FBN2: variants seen among roughly 807,000 people sequenced by gnomAD.
The protein encoded by FBN2 is fibrillin-2.
A neutral mutation model predicts 355.6 loss-of-function variants in FBN2; 105 were observed. The observed-to-expected ratio is 0.30, with a 90% CI of 0.25 to 0.35. The LOEUF (loss-of-function observed/expected upper bound fraction) is 0.35, where lower values mean the gene tolerates loss of function less well. Ranked by LOEUF, FBN2 falls within the 10% of genes least tolerant of loss-of-function variation. The pLI, the probability that FBN2 is intolerant of heterozygous loss-of-function variation, is 1.00. For synonymous variants in FBN2, 1,350 were observed against 1,301.2 expected (o/e 1.04, Z -0.81); for missense variants, 3,280 against 3,758.7 (o/e 0.87, Z 3.33).
intron 46 of FBN2, among the ~76,000 whole-genome samples, chr5:128,302,365 C>G (rs1749742970): frequency 6.6e-6 from 1 of 152,220 alleles, no homozygotes; most frequent in South Asian, 2.1e-4. Context: ...CCTCCAACTA[C>G]TTCAGGACCC....
intron 19 of FBN2, among the ~76,000 whole-genome samples, chr5:128,359,027 G>T (rs541780121): frequency 3.9e-5 from 6 of 152,022 alleles, no homozygotes; most frequent in African/African-American, 1.4e-4. Context: ...AGCACATCTG[G>T]TTTACATTTA....
chr5:128,497,324 G>A (rs1368499698), intron 5 of FBN2, among the ~76,000 whole-genome samples: 1 of 152,174 alleles, frequency 6.6e-6, no homozygotes, highest in Non-Finnish European at 1.5e-5. Context: ...GAGATTTGTG[G>A]ATTACACTTT....
At chr5:128,523,779 A>G (rs1561497561) in intron 4 of FBN2, among the ~76,000 whole-genome samples, 1 of 150,496 alleles carries the variant, frequency 6.6e-6, no homozygotes, top group Admixed American at 6.6e-5. Context: ...TACTTTTTCT[A>G]TTTTTTTTTA....
At chr5:128,444,351 C>A (rs146582377) in intron 7 of FBN2, among the ~76,000 whole-genome samples, 6 of 152,120 alleles carry the variant, frequency 3.9e-5, no homozygotes, top group Admixed American at 3.9e-4. Context: ...GGATTACAGG[C>A]GTGAGCCACC....
At position 128,318,239 on chromosome 5, in the gene FBN2, C is replaced by A; in HGVS notation, c.4627G>T (p.Val1543Phe). 6.2e-7 allele frequency: 1 copy of A among 1,613,998 alleles called. No individual in the cohort carries two copies. The highest frequency in any genetic ancestry group is 8.5e-7 in the Non-Finnish European group (1 of 1,179,930). ...IDECADPINCVNGLCVNTPGR... is the reference protein window; with the variant it reads ...IDECADPINCFNGLCVNTPGR... ...GGCGTGTTGACACATAGGCCATTGA[C>A]ACAGTTTATAGGATCTGCACACTCA... is the stretch of plus-strand genomic sequence containing the variant. The change falls in exon 36 of 65, where the codon GTC becomes TTC. Residue 1543 changes from valine (V) to phenylalanine (F), a missense_variant. Physicochemically the swap from Val to Phe is conservative, Grantham distance 50. Coordinates refer to ENST00000262464, the MANE Select transcript of FBN2 (RefSeq NM_001999.4).
intron 5 of FBN2, among the ~76,000 whole-genome samples, chr5:128,488,145 T>A (rs572844381): frequency 6.6e-6 from 1 of 152,326 alleles, no homozygotes; most frequent in East Asian, 1.9e-4. Context: ...TATCTTTTGT[T>A]GCCAGGATAA....
intron 34 of FBN2, among the ~76,000 whole-genome samples, chr5:128,323,252 T>C (rs1436695947): frequency 6.6e-6 from 1 of 152,210 alleles, no homozygotes; most frequent in African/African-American, 2.4e-5. Context: ...CCTTTATTTC[T>C]TTCTCTTGCC....
intron 7 of FBN2, among the ~76,000 whole-genome samples, chr5:128,417,745 G>A (rs953691309): frequency 3.3e-5 from 5 of 152,124 alleles, no homozygotes; most frequent in African/African-American, 1.2e-4. Flanking sequence ...GTTGGATTCA[G>A]TTTGCTACTA....
intron 5 of FBN2, among the ~76,000 whole-genome samples, chr5:128,480,602 C>T (rs763003096): frequency 2.6e-5 from 4 of 151,996 alleles, no homozygotes; most frequent in African/African-American, 2.4e-5. Context: ...TCCAGCTACT[C>T]GGGAGGCTGA....
intron 11 of FBN2, among the ~76,000 whole-genome samples, chr5:128,388,389 G>C (rs1752422206): frequency 6.6e-6 from 1 of 152,094 alleles, no homozygotes; most frequent in Non-Finnish European, 1.5e-5. Context: ...ATTGCATTTA[G>C]GAGGTTGTTA....
At chr5:128,437,773 TATAG>T (rs68027593) in intron 7 of FBN2, among the ~76,000 whole-genome samples, 41,732 of 147,862 alleles carry the variant, frequency 0.28, 6,051 homozygotes, top group Middle Eastern at 0.43. Flanking sequence ...AGTATGTATG[TATAG>T]ATAGATAGAT....
rs1287311052 is a variant in FBN2, at chr5:128,339,126, G to C, written c.3344-65C>G. The C allele has an allele frequency of 3.9e-6, 6 of 1,544,436 alleles. No individual in the cohort carries two copies. In the East Asian group the frequency reaches 1.4e-4, roughly 35 times the overall value. On this transcript the variant is annotated intron_variant, in intron 25 of 64. Transcript: ENST00000262464. Reference sequence around the variant, plus strand: ...AGATAGACTTGGCCTTCCAAGCGAAGGTGCTGCATGCTTGAAAAGTTGGGG... The same window carrying C: ...AGATAGACTTGGCCTTCCAAGCGAACGTGCTGCATGCTTGAAAAGTTGGGG...
At chr5:128,400,112 G>C (rs1052257322) in intron 8 of FBN2, among the ~76,000 whole-genome samples, 1 of 150,426 alleles carries the variant, frequency 6.6e-6, no homozygotes, top group Non-Finnish European at 1.5e-5. Context: ...AAGATTGAGA[G>C]GGAAAATACA....
chr5:128,448,368 G>A (rs1480652240), intron 6 of FBN2, among the ~76,000 whole-genome samples: 9 of 151,222 alleles, frequency 6.0e-5, no homozygotes, highest in African/African-American at 9.7e-5. Context: ...GTGCAGTGGC[G>A]TGATCTTGAC....
At chr5:128,391,483 TTGTTG>T (rs1752508083) in intron 11 of FBN2, among the ~76,000 whole-genome samples, 1 of 152,210 alleles carries the variant, frequency 6.6e-6, no homozygotes, top group Non-Finnish European at 1.5e-5. Flanking sequence ...AATGGATTCA[TTGTTG>T]TTATTTTTGA....
chr5:128,515,206 G>A (rs1238896009), intron 5 of FBN2, among the ~76,000 whole-genome samples: 2 of 152,074 alleles, frequency 1.3e-5, no homozygotes, highest in Non-Finnish European at 2.9e-5. Context: ...AGATTTAATG[G>A]CTACTACAGT....
At chr5:128,429,824 C>T (rs550317550) in intron 7 of FBN2, among the ~76,000 whole-genome samples, 64 of 152,242 alleles carry the variant, frequency 4.2e-4, no homozygotes, top group Admixed American at 1.6e-3. Context: ...TGATATGCTA[C>T]GAGTTTATTA....
intron 20 of FBN2, among the ~76,000 whole-genome samples, chr5:128,353,535 G>C (rs1751423721): frequency 6.6e-6 from 1 of 152,196 alleles, no homozygotes; most frequent in Non-Finnish European, 1.5e-5. Flanking sequence ...CCATAGCACA[G>C]AGGAAACAGA....
At chr5:128,516,740 G>A (rs145699964) in intron 5 of FBN2, among the ~76,000 whole-genome samples, 4 of 151,710 alleles carry the variant, frequency 2.6e-5, no homozygotes, top group African/African-American at 7.3e-5. Context: ...AACATTAAAC[G>A]CTAACAGGGC....
Sources: allele counts gnomAD v4.1 joint callset (sites outside exome capture counted in the v4.1 genomes callset), GRCh38; gene constraint gnomAD v4.1.1; transcripts MANE v1.5; gene names NCBI Gene and HGNC (gene_info 2026-07-23, HGNC 2026-07-21).